The following ASPA variants were observed in gnomAD, a reference collection of about 807,000 sequenced individuals.
The protein encoded by ASPA is aspartoacylase.
Under a neutral mutation model 29.6 loss-of-function variants are expected in ASPA, and 25 were observed. That is an observed-to-expected ratio of 0.85 (90% CI 0.62 to 1.18). ASPA has a LOEUF of 1.18. ASPA is among the 50% of genes most tolerant of loss of function. ASPA has a pLI of 0.00. For missense variants in ASPA, 333 were observed against 385.7 expected, an observed-to-expected ratio of 0.86 and a Z score of 1.14; for synonymous variants, 131 against 130.3, an observed-to-expected ratio of 1.01 and a Z score of -0.04.
chr17:3,478,914 C>T (rs1345195430), intron 1 of ASPA, among the ~76,000 whole-genome samples: 1 of 152,180 alleles, frequency 6.6e-6, no homozygotes, highest in Admixed American at 6.5e-5. Context: ...TTATTCCTTG[C>T]AAGTACTTCA....
At chr17:3,498,521 G>T (rs1027829914) in intron 5 of ASPA, among the ~76,000 whole-genome samples, 1 of 151,742 alleles carries the variant, frequency 6.6e-6, no homozygotes, top group African/African-American at 2.4e-5. Flanking sequence ...CTAATTTTTC[G>T]TATTTTTTCT....
intron 1 of ASPA, among the ~76,000 whole-genome samples, chr17:3,480,388 A>G (rs1054825819): frequency 3.3e-5 from 5 of 152,242 alleles, no homozygotes; most frequent in African/African-American, 1.2e-4. Flanking sequence ...GTAGGGGGCC[A>G]GTGAGTCGGG....
Position 3,476,371 on chromosome 17 carries a change from G to T in ASPA, c.212G>T (p.Arg71Leu). The T allele has an allele frequency of 1.2e-6, 2 of 1,614,042 alleles. No homozygotes were observed. Among genetic ancestry groups the T allele is most frequent in the Non-Finnish European group, 1.7e-6 (2 of 1,180,018 alleles). Reference sequence around the variant, plus strand: ...AGATATATTGACTGTGACCTGAATCGCATTTTTGACCTTGAAAATCTTGGG... The same window carrying T: ...AGATATATTGACTGTGACCTGAATCTCATTTTTGACCTTGAAAATCTTGGG... ...CTRYIDCDLN[R>L]IFDLENLGKK... The change falls in exon 1 of 6, where the codon CGC becomes CTC. Residue 71 changes from arginine to leucine, a missense_variant. Arg to Leu is a moderately radical substitution (Grantham distance 102). Coordinates refer to ENST00000263080, the MANE Select transcript of ASPA (RefSeq NM_000049.4).
At chr17:3,474,369 G>A (rs940417260), upstream of ASPA, among the ~76,000 whole-genome samples, 1 of 152,200 alleles carries the variant, frequency 6.6e-6, no homozygotes, top group Non-Finnish European at 1.5e-5. Context: ...CATTTCCAGA[G>A]AGACTAGGGC....
At chr17:3,474,617 T>C (rs1045067033), upstream of ASPA, among the ~76,000 whole-genome samples, 2 of 152,222 alleles carry the variant, frequency 1.3e-5, no homozygotes, top group African/African-American at 4.8e-5. Flanking sequence ...TTTTAATGCA[T>C]AGATTTGATG....
Position 3,494,407 on chromosome 17 carries a change from AC to A in ASPA, c.697del (p.Arg233GlyfsTer31), listed in dbSNP as rs1057516315. 6.2e-7 allele frequency: 1 copy of A among 1,613,148 alleles called. No homozygotes were observed. The highest frequency in any genetic ancestry group is 8.5e-7 in the Non-Finnish European group (1 of 1,179,166). On this transcript the variant is annotated frameshift_variant, in exon 5 of 6. Coordinates refer to ENST00000263080, the MANE Select transcript of ASPA (RefSeq NM_000049.4). LOFTEE classifies it high-confidence loss of function. Reference sequence around the variant, plus strand: ...TATAAAATTATAGAGAAAGTTGATTACCCCCGGGATGAAAATGGAGAAATTG... The same window carrying A: ...TATAAAATTATAGAGAAAGTTGATTACCCCGGGATGAAAATGGAGAAATTG... ...EVYKIIEKVD[Y>X]PRDENGEIAA...
chr17:3,492,154 G>T (rs1240077806), intron 4 of ASPA, among the ~76,000 whole-genome samples: 2 of 152,186 alleles, frequency 1.3e-5, no homozygotes, highest in Non-Finnish European at 2.9e-5. Context: ...TGGGGTTACA[G>T]GCCTGCGCCA....
chr17:3,476,712 A>C (rs964708888), intron 1 of ASPA, among the ~76,000 whole-genome samples: 9 of 152,224 alleles, frequency 5.9e-5, no homozygotes. Context: ...AACAGATTTA[A>C]TACTCCTTTG....
At chr17:3,489,105 T>G in intron 3 of ASPA, 130 bp from the exon 4 acceptor site, 1 of 622,114 alleles carries the variant, frequency 1.6e-6, no homozygotes, top group Non-Finnish European at 2.8e-6. Flanking sequence ...ATATTTTCCA[T>G]GATGCTACAT....
At position 3,498,886 on chromosome 17, in the gene ASPA, G is replaced by A. The variant is rs1352242107; in HGVS notation, c.745-5G>A. 55 of 1,555,890 alleles carry A rather than the reference G, an allele frequency of 3.5e-5. No homozygotes were observed. The highest frequency in any genetic ancestry group is 4.7e-5 in the Non-Finnish European group (54 of 1,154,634). On this transcript the variant is annotated splice_region_variant and splice_polypyrimidine_tract_variant and intron_variant, in intron 5 of 5. Coordinates refer to ENST00000263080, the MANE Select transcript of ASPA (RefSeq NM_000049.4). Reference sequence around the variant, plus strand: ...AATATATTTATTTTGATTGTTTCCTGAGAGGATCAAGACTGGAAACCACTG... The same window carrying A: ...AATATATTTATTTTGATTGTTTCCTAAGAGGATCAAGACTGGAAACCACTG...
At chr17:3,494,566 C>A in intron 5 of ASPA, 107 bp downstream of exon 5, 1 of 897,622 alleles carries the variant, frequency 1.1e-6, no homozygotes, top group Non-Finnish European at 1.8e-6. Context: ...ATTTGATGCT[C>A]TCATTAGACA....
At chr17:3,494,553 C>A in intron 5 of ASPA, 94 bp downstream of exon 5, 2 of 1,018,892 alleles carry the variant, frequency 2.0e-6, no homozygotes, top group Non-Finnish European at 3.1e-6. Flanking sequence ...CGTACATTCG[C>A]CCATTTGATG....
intron 5 of ASPA, among the ~76,000 whole-genome samples, chr17:3,496,792 A>C (rs62071299): frequency 0.12 from 18,857 of 152,040 alleles, 2,027 homozygotes; most frequent in East Asian, 0.59. Context: ...CCTGGCCAGG[A>C]GCGGTGGCTC....
At chr17:3,481,195 A>T (rs2073621073) in intron 1 of ASPA, among the ~76,000 whole-genome samples, 1 of 152,192 alleles carries the variant, frequency 6.6e-6, no homozygotes. Flanking sequence ...GTGCACTAGA[A>T]TTAGCTAAAG....
chr17:3,476,566 A>G (rs903479353), intron 1 of ASPA, among the ~76,000 whole-genome samples, 171 bp downstream of exon 1: 3 of 152,378 alleles, frequency 2.0e-5, no homozygotes, highest in Non-Finnish European at 4.4e-5. Context: ...GAATTGCACA[A>G]TTATCTAAAC....
chr17:3,493,333 C>T (rs1038052104), intron 4 of ASPA, among the ~76,000 whole-genome samples: 47 of 152,146 alleles, frequency 3.1e-4, no homozygotes, highest in African/African-American at 9.6e-4. Context: ...GAGGCTGAGG[C>T]GGGCGGATCA....
In ASPA at chr17:3,490,744, T is replaced by G. The variant is rs1490784249; in HGVS notation, c.634+1402T>G. Among the ~76,000 whole-genome samples, 2 of 152,084 alleles carry G rather than the reference T, an allele frequency of 1.3e-5. No individual in the cohort carries two copies. The highest frequency in any genetic ancestry group is 2.9e-5 in the Non-Finnish European group (2 of 68,028). ...TGTGGGACTACAATATATTAAGAAGTGATACATTCAGATAGAAGGCCACAA... is the reference window on the plus strand; with the variant it reads ...TGTGGGACTACAATATATTAAGAAGGGATACATTCAGATAGAAGGCCACAA... On this transcript the variant is annotated intron_variant, in intron 4 of 5. Coordinates refer to ENST00000263080, the MANE Select transcript of ASPA (RefSeq NM_000049.4). This position sits in a 1 kb window ranked among gnomAD's most constrained non-coding sequence, Gnocchi z 4.6.
chr17:3,488,527 C>T lies in ASPA; in HGVS notation c.527-708C>T, dbSNP rs182828265. 4.6e-5 allele frequency among the ~76,000 whole-genome samples: 7 copies of T among 152,166 alleles called. No homozygotes were observed. Among genetic ancestry groups the T allele is most frequent in the Non-Finnish European group, 7.4e-5 (5 of 68,000 alleles). Reference sequence around the variant, plus strand: ...TAAAAATAAGCCAGGAATGGTGGCCCGTGCCTGTAATCCCAGCTACTCGGG... The same window carrying T: ...TAAAAATAAGCCAGGAATGGTGGCCTGTGCCTGTAATCCCAGCTACTCGGG... On this transcript the variant is annotated intron_variant, in intron 3 of 5. Coordinates refer to ENST00000263080, the MANE Select transcript of ASPA (RefSeq NM_000049.4). This position sits in a 1 kb window ranked among gnomAD's most constrained non-coding sequence, Gnocchi z 6.1.
At chr17:3,481,461 T>A (rs1001338969) in intron 1 of ASPA, 142 bp from the exon 2 acceptor site, 1 of 715,266 alleles carries the variant, frequency 1.4e-6, no homozygotes, top group Non-Finnish European at 2.3e-6. Flanking sequence ...TATATAAACA[T>A]TTCAGGTAAG....
Sources: gnomAD v4.1 joint callset for allele counts (sites outside exome capture counted in the v4.1 genomes callset) on GRCh38, gnomAD v4.1.1 for gene constraint, Gnocchi (gnomAD v3.1) non-coding constraint, MANE v1.5 for transcripts, NCBI Gene and HGNC (gene_info 2026-07-23, HGNC 2026-07-21) for gene names.